Variants in PDZD2 observed in about 807,000 individuals in gnomAD.
PDZD2 encodes PDZ domain containing 2.
Under a neutral mutation model 220.7 loss-of-function variants are expected in PDZD2, and 90 were observed. That is an observed-to-expected ratio of 0.41 (90% confidence interval 0.34 to 0.49). PDZD2 has a LOEUF of 0.49. Ranked by LOEUF, PDZD2 falls within the 20% of genes least tolerant of loss-of-function variation. PDZD2 has a pLI of 0.28. For missense variants in PDZD2, 3,174 were observed against 3,608.5 expected, an observed-to-expected ratio of 0.88 and a Z score of 3.08; for synonymous variants, 1,375 against 1,450.5, an observed-to-expected ratio of 0.95 and a Z score of 1.18.
chr5:31,861,556 G>A (rs1191572332), intron 2 of PDZD2, among the ~76,000 whole-genome samples: 1 of 152,214 alleles, frequency 6.6e-6, no homozygotes, highest in Non-Finnish European at 1.5e-5. Flanking sequence ...AAAAGGGGGA[G>A]TTCCTTGCTT....
At chr5:32,044,996 G>C (rs1737792230) in intron 7 of PDZD2, among the ~76,000 whole-genome samples, 1 of 152,172 alleles carries the variant, frequency 6.6e-6, no homozygotes, top group Non-Finnish European at 1.5e-5. Context: ...CTGTAAACTT[G>C]GATATTTAGT....
chr5:31,701,512 C>T (rs1261305416), intron 1 of PDZD2, among the ~76,000 whole-genome samples: 2 of 152,160 alleles, frequency 1.3e-5, no homozygotes, highest in Non-Finnish European at 2.9e-5. Flanking sequence ...TTTTTCCTGA[C>T]CTATTCAATG....
In PDZD2 at chr5:31,797,082, C is replaced by T. The variant is rs542913390; in HGVS notation, c.-360-1807C>T. Among the ~76,000 whole-genome samples the T allele has an allele frequency of 4.4e-4, 66 of 148,680 alleles. 3 individuals carry two copies. The South Asian group carries it at 0.014, about 30-fold the overall frequency. On this transcript the variant is annotated intron_variant, in intron 1 of 24. Coordinates refer to ENST00000438447, the MANE Select transcript of PDZD2 (RefSeq NM_178140.4). ...AGCTGGCACCACAGGCGCCCGCCAC[C>T]ACACCCAGCTAATTTTTTTTTTTTT...
At chr5:31,871,113 G>A (rs902089016) in intron 2 of PDZD2, among the ~76,000 whole-genome samples, 3 of 152,058 alleles carry the variant, frequency 2.0e-5, no homozygotes, top group Non-Finnish European at 4.4e-5. Context: ...TTTATATAAT[G>A]TTTACATATT....
In PDZD2 at chr5:32,022,197, T is replaced by TG. The variant is rs1162377624; in HGVS notation, c.1407+11715_1407+11716insG. 2.5e-4 allele frequency among the ~76,000 whole-genome samples: 36 copies of TG among 145,590 alleles called. 2 individuals carry two copies. The highest frequency in any genetic ancestry group is 6.1e-4 in the Admixed American group (9 of 14,770). ...GTTTTGTTTTTTTGTTTTTTTGTTT[T>TG]TTGTTTTTTTTTGGAGTTGGGGGAT... On this transcript the variant is annotated intron_variant, in intron 6 of 24. Transcript: ENST00000438447.
At chr5:31,671,579 T>C (rs1404047745) in intron 1 of PDZD2, among the ~76,000 whole-genome samples, 3 of 152,190 alleles carry the variant, frequency 2.0e-5, no homozygotes, top group African/African-American at 7.2e-5. Flanking sequence ...GCCCCCCACA[T>C]GCACTAGTGC....
At chr5:32,097,213 T>G in intron 21 of PDZD2, 66 bp from the exon 22 acceptor site, 1 of 993,190 alleles carries the variant, frequency 1.0e-6, no homozygotes, top group Non-Finnish European at 1.6e-6. Flanking sequence ...CCCAAGGGGA[T>G]ATGTTTTTCT....
intron 2 of PDZD2, among the ~76,000 whole-genome samples, chr5:31,880,791 C>CTTTTTCT (rs1739798959): frequency 1.3e-5 from 1 of 76,486 alleles, no homozygotes; most frequent in Non-Finnish European, 2.4e-5. Context: ...TTTTTTTTTT[C>CTTTTTCT]TTTTTTTTTT....
intron 1 of PDZD2, among the ~76,000 whole-genome samples, chr5:31,649,937 CAAA>C (rs6148975): frequency 0.015 from 1,093 of 73,328 alleles, 2 homozygotes; most frequent in Middle Eastern, 0.036. Context: ...GACTCCGTCT[CAAA>C]AAAAAAAAAA....
chr5:32,067,437 G>A (rs901189772), intron 14 of PDZD2, among the ~76,000 whole-genome samples: 1 of 152,180 alleles, frequency 6.6e-6, no homozygotes, highest in African/African-American at 2.4e-5. Context: ...TATGTGGAGG[G>A]GGGTGTGTGT....
At chr5:31,694,033 C>A (rs55691230) in intron 1 of PDZD2, among the ~76,000 whole-genome samples, 26,310 of 152,134 alleles carry the variant, frequency 0.17, 2,266 homozygotes, top group East Asian at 0.24. Context: ...TTTTTAAAGA[C>A]AATGGTAGAA....
intron 7 of PDZD2, among the ~76,000 whole-genome samples, chr5:32,042,944 T>A (rs1481191714): frequency 1.3e-5 from 2 of 152,182 alleles, no homozygotes; most frequent in African/African-American, 2.4e-5. Context: ...CGAGGTCACA[T>A]TCCTCATTTT....
chr5:31,916,744 T>C (rs1743721053), intron 2 of PDZD2, among the ~76,000 whole-genome samples: 1 of 152,188 alleles, frequency 6.6e-6, no homozygotes, highest in Non-Finnish European at 1.5e-5. Context: ...CTTGCATAGC[T>C]GTTCCTGGGC....
At chr5:32,026,654 C>T (rs1754689118) in intron 6 of PDZD2, among the ~76,000 whole-genome samples, 1 of 152,152 alleles carries the variant, frequency 6.6e-6, no homozygotes, top group Non-Finnish European at 1.5e-5. Context: ...ACCTGGTAGC[C>T]AACACTGCTG....
At chr5:31,708,339 A>T (rs1361709886) in intron 1 of PDZD2, among the ~76,000 whole-genome samples, 1 of 152,208 alleles carries the variant, frequency 6.6e-6, no homozygotes, top group Non-Finnish European at 1.5e-5. Context: ...GGTCCCAACC[A>T]TAAATGGCCC....
At chr5:31,640,814 T>C (rs970337170) in intron 1 of PDZD2, among the ~76,000 whole-genome samples, 5 of 151,718 alleles carry the variant, frequency 3.3e-5, no homozygotes, top group African/African-American at 1.2e-4. Context: ...GGCCCAGAGC[T>C]TCTGCTCCTA....
intron 1 of PDZD2, among the ~76,000 whole-genome samples, chr5:31,670,845 C>T (rs146877766): frequency 2.0e-5 from 3 of 152,112 alleles, no homozygotes; most frequent in South Asian, 2.1e-4. Flanking sequence ...AGGGTGTGCT[C>T]ATGAGGCAAC....
intron 1 of PDZD2, among the ~76,000 whole-genome samples, chr5:31,650,587 G>C (rs1321109076): frequency 6.6e-6 from 1 of 152,292 alleles, no homozygotes; most frequent in Admixed American, 6.5e-5. Context: ...TTAATCTTGA[G>C]AAGCTAAGAA....
intron 3 of PDZD2, among the ~76,000 whole-genome samples, chr5:31,984,610 T>TC (rs1472703726): frequency 6.6e-6 from 1 of 152,132 alleles, no homozygotes; most frequent in Non-Finnish European, 1.5e-5. Context: ...GTGACTGTAG[T>TC]CCCAGCATCT....
Sources: gnomAD v4.1 joint callset for allele counts (sites outside exome capture counted in the v4.1 genomes callset) on GRCh38, gnomAD v4.1.1 for gene constraint, MANE v1.5 for transcripts, NCBI Gene and HGNC (gene_info 2026-07-23, HGNC 2026-07-21) for gene names.